The following WDR35 variants were observed in gnomAD, a reference collection of about 807,000 sequenced individuals.
WDR35 encodes the protein WD repeat-containing protein 35.
A neutral mutation model predicts 158.3 loss-of-function variants in WDR35; 118 were observed. The ratio of observed to expected loss-of-function variants is 0.75; its 90% confidence interval spans 0.64 to 0.87. The LOEUF (loss-of-function observed/expected upper bound fraction) is 0.87, where lower values mean the gene tolerates loss of function less well. Ranked by LOEUF, WDR35 falls within the 40% of genes least tolerant of loss-of-function variation. The probability of loss-of-function intolerance (pLI) is 0.00; values close to 1 mark genes in which losing one functional copy is unlikely to be tolerated. For missense variants in WDR35, 1,263 were observed against 1,405.8 expected (o/e 0.90, Z 1.62); for synonymous variants, 448 against 476.1 (o/e 0.94, Z 0.77).
At chr2:19,969,749 T>C in intron 8 of WDR35, 144 bp from the exon 9 acceptor site, 1 of 207,106 alleles carries the variant, frequency 4.8e-6, no homozygotes, top group Non-Finnish European at 7.2e-6. Flanking sequence ...GTTTCTTGAA[T>C]TTTTTTTTTT....
rs961909117 is a variant in WDR35 at position 19,922,666 on chromosome 2, T to G, written c.3121+7730A>C. Among the ~76,000 whole-genome samples, 5 of 152,094 alleles carry G rather than the reference T, an allele frequency of 3.3e-5. No individual in the cohort carries two copies. In the South Asian group the frequency reaches 1.0e-3, roughly 32 times the overall value. On this transcript the variant is annotated intron_variant, in intron 25 of 26. Coordinates refer to ENST00000281405, the MANE Select transcript of WDR35 (RefSeq NM_020779.4). Reference sequence around the variant, plus strand: ...AACCACCAACGCATGTGTATACCTATGTAACAAACCTGCACATTCTGCACA... The same window carrying G: ...AACCACCAACGCATGTGTATACCTAGGTAACAAACCTGCACATTCTGCACA...
At position 19,988,832 on chromosome 2, in the gene WDR35, G is replaced by T. The variant is rs935869009; in HGVS notation, c.142+333C>A. On this transcript the variant is annotated intron_variant, in intron 2 of 26. Transcript: ENST00000281405. The stretch of plus-strand genomic sequence containing the variant: ...ACACAGACCTGTAAACAATCTGCCA[G>T]ATTTTCTTAGTGAAATGTTGACTCA... Among the ~76,000 whole-genome samples the T allele has an allele frequency of 2.6e-5, 4 of 152,314 alleles. No individual in the cohort carries two copies. The East Asian group carries it at 7.7e-4, about 29-fold the overall frequency.
chr2:19,957,794 C>T (rs568758503), intron 11 of WDR35, among the ~76,000 whole-genome samples: 4 of 152,182 alleles, frequency 2.6e-5, no homozygotes, highest in Non-Finnish European at 5.9e-5. Flanking sequence ...CTCAGGTGAT[C>T]TACCCACCTC....
intron 3 of WDR35, among the ~76,000 whole-genome samples, chr2:19,982,097 C>T (rs898056429): frequency 2.6e-5 from 4 of 152,140 alleles, no homozygotes; most frequent in African/African-American, 4.8e-5. Context: ...AACCGTACTT[C>T]GAGTGCCCAT....
rs1224823284 is a variant in WDR35 at position 19,924,462 on chromosome 2, G to A, written c.3121+5934C>T. 2.6e-5 allele frequency among the ~76,000 whole-genome samples: 4 copies of A among 152,312 alleles called. No homozygotes were observed. The East Asian group carries it at 5.8e-4, about 22-fold the overall frequency. On this transcript the variant is annotated intron_variant, in intron 25 of 26. Transcript: ENST00000281405. ...GCCTGTAGTGCCAGCTAATCAGGAG[G>A]CTGAGGCAGGAGAATGGCGTGAACC... is the stretch of plus-strand genomic sequence containing the variant.
In WDR35 at chr2:19,966,905, C is replaced by G. The variant is rs746879580; in HGVS notation, c.1013G>C (p.Gly338Ala). Reference protein sequence around the residue: ...FANIRPNYKWGYCSNTVVYAY... With the variant: ...FANIRPNYKWAYCSNTVVYAY... ...ATAAACTACAGTGTTTGAGCAATAACCCCACTAGGAAGAAAGGAAGGAGGA... is the reference window on the plus strand; with the variant it reads ...ATAAACTACAGTGTTTGAGCAATAAGCCCACTAGGAAGAAAGGAAGGAGGA... The change falls in exon 10 of 27, where the codon GGT becomes GCT. Residue 338 changes from glycine to alanine, a missense_variant. Physicochemically the swap from Gly to Ala is moderately conservative, Grantham distance 60. Coordinates refer to ENST00000281405, the MANE Select transcript of WDR35 (RefSeq NM_020779.4). 1 of 1,613,448 alleles carries G rather than the reference C, an allele frequency of 6.2e-7. No individual in the cohort carries two copies. The highest frequency in any genetic ancestry group is 8.5e-7 in the Non-Finnish European group (1 of 1,179,754).
chr2:19,972,643 C>T (rs1672066608), intron 8 of WDR35, among the ~76,000 whole-genome samples: 1 of 151,654 alleles, frequency 6.6e-6, no homozygotes. Context: ...ACAGTATATT[C>T]TACTGGGTAA....
At chr2:19,914,008 A>G (rs766240707) in intron 26 of WDR35, 29 bp downstream of exon 26, 2 of 1,613,008 alleles carry the variant, frequency 1.2e-6, no homozygotes, top group Non-Finnish European at 1.7e-6. Context: ...ATAAGATAGA[A>G]TGGCATCCAC....
chr2:19,931,490 T>C (rs1021795053), intron 23 of WDR35, 81 bp from the exon 24 acceptor site: 9 of 1,529,388 alleles, frequency 5.9e-6, no homozygotes, highest in African/African-American at 4.1e-5. Context: ...ACTAACAAAT[T>C]TGATTCCCTA....
intron 7 of WDR35, 99 bp from the exon 8 acceptor site, chr2:19,973,807 C>A: frequency 6.7e-7 from 1 of 1,494,210 alleles, no homozygotes; most frequent in South Asian, 1.2e-5. Context: ...TAAAACTTTC[C>A]ACATTTTTAA....
chr2:19,933,977 C>T (rs1288362879), intron 21 of WDR35, among the ~76,000 whole-genome samples: 1 of 151,782 alleles, frequency 6.6e-6, no homozygotes, highest in Non-Finnish European at 1.5e-5. Context: ...GTTCAGGAAG[C>T]TAGACCCAAA....
intron 25 of WDR35, among the ~76,000 whole-genome samples, chr2:19,923,434 C>T (rs1034382818): frequency 6.6e-6 from 1 of 152,216 alleles, no homozygotes; most frequent in Admixed American, 6.5e-5. Flanking sequence ...GGCTGTGGTT[C>T]GTTCCACCTT....
intron 25 of WDR35, among the ~76,000 whole-genome samples, chr2:19,920,101 C>T (rs553829451): frequency 7.2e-5 from 11 of 152,196 alleles, no homozygotes; most frequent in African/African-American, 2.6e-4. Context: ...GCCCACCAAC[C>T]AAAAAAAGTC....
At chr2:19,969,743 C>A in intron 8 of WDR35, 138 bp from the exon 9 acceptor site, 87 of 814,204 alleles carry the variant, frequency 1.1e-4, no homozygotes, top group Non-Finnish European at 1.4e-4. Context: ...AATCATGTTT[C>A]TTGAATTTTT....
chr2:19,953,911 C>G lies in WDR35; in HGVS notation c.1323G>C (p.Trp441Cys), dbSNP rs1196024068. 1 of 1,614,098 alleles carries G rather than the reference C, an allele frequency of 6.2e-7. No individual in the cohort carries two copies. The change falls in exon 12 of 27, where the codon TGG becomes TGC. Residue 441 changes from tryptophan (W) to cysteine (C), a missense_variant. By Grantham distance (215) the Trp-to-Cys change is radical (BLOSUM62 -2). Transcript: ENST00000281405. ...IAASKEAFYT[W>C]QYRVAKKLTA... ...TGAGCTTCTTTGCCACACGATATTGCCAGGTATAAAATGCTTCTTTCGAGG... is the reference window on the plus strand; with the variant it reads ...TGAGCTTCTTTGCCACACGATATTGGCAGGTATAAAATGCTTCTTTCGAGG...
intron 25 of WDR35, among the ~76,000 whole-genome samples, chr2:19,919,827 T>C (rs914534728): frequency 6.6e-6 from 1 of 151,820 alleles, no homozygotes; most frequent in Non-Finnish European, 1.5e-5. Flanking sequence ...ACAAAATAGA[T>C]AGACCACTAG....
rs776213433 is a variant in WDR35 at position 19,913,724 on chromosome 2, A to G, written c.3363-16T>C. 1.2e-6 allele frequency: 2 copies of G among 1,614,062 alleles called. No homozygotes were observed. Among genetic ancestry groups the G allele is most frequent in the South Asian group, 2.2e-5 (2 of 91,084 alleles). ...CCCTTCTCCACTGTAAAACGGGGAG[A>G]AACAATTCATTATACTTTAAAACTT... On this transcript the variant is annotated splice_polypyrimidine_tract_variant and intron_variant, in intron 26 of 26. Coordinates refer to ENST00000281405, the MANE Select transcript of WDR35 (RefSeq NM_020779.4).
Position 19,960,317 on chromosome 2 carries a change from T to C in WDR35, c.1255+237A>G, listed in dbSNP as rs116517351. Among the ~76,000 whole-genome samples, 2,009 of 152,248 alleles carry C rather than the reference T, an allele frequency of 0.013. 23 individuals carry two copies. Among genetic ancestry groups the C allele is most frequent in the East Asian group, 0.038 (198 of 5,190 alleles). On this transcript the variant is annotated intron_variant, in intron 11 of 26. Coordinates refer to ENST00000281405, the MANE Select transcript of WDR35 (RefSeq NM_020779.4). ...TTGTGAAATTATAATGGATTTTAGATAGACTAACCTTATAATTTACTGTCT... is the reference window on the plus strand; with the variant it reads ...TTGTGAAATTATAATGGATTTTAGACAGACTAACCTTATAATTTACTGTCT...
At chr2:19,960,733 T>C in intron 10 of WDR35, 119 bp from the exon 11 acceptor site, 1 of 770,302 alleles carries the variant, frequency 1.3e-6, no homozygotes, top group East Asian at 2.7e-5. Flanking sequence ...AAATAACTGA[T>C]GAAACTGTTA....
Sources: gnomAD v4.1 joint callset for allele counts (sites outside exome capture counted in the v4.1 genomes callset) on GRCh38, gnomAD v4.1.1 for gene constraint, MANE v1.5 for transcripts, NCBI Gene and HGNC (gene_info 2026-07-23, HGNC 2026-07-21) for gene names.